VRK2: variants seen among roughly 807,000 people sequenced by gnomAD.
The protein encoded by VRK2 is serine/threonine-protein kinase VRK2.
Under a neutral mutation model 57.6 loss-of-function variants are expected in VRK2, and 60 were observed. The observed-to-expected ratio is 1.04, with a 90% CI of 0.85 to 1.29. VRK2 has a LOEUF of 1.29. Among genes scored for constraint, VRK2 ranks in the 50% most tolerant of loss-of-function variants. VRK2 has a pLI of 0.00. For missense variants in VRK2, 705 were observed against 588.1 expected, an observed-to-expected ratio of 1.20 and a Z score of -2.06; for synonymous variants, 231 against 199.2, an observed-to-expected ratio of 1.16 and a Z score of -1.35.
At chr2:58,062,864 G>T (rs189678278) in intron 2 of VRK2, among the ~76,000 whole-genome samples, 1 of 152,228 alleles carries the variant, frequency 6.6e-6, no homozygotes, top group Admixed American at 6.6e-5. Context: ...TGAGATCAAT[G>T]ATGAAGGTGG....
intron 1 of VRK2, chr2:58,047,290 G>T: frequency 2.3e-6 from 1 of 436,962 alleles, no homozygotes; most frequent in Non-Finnish European, 3.0e-6. Flanking sequence ...CCGCGGCGGG[G>T]TTGGAGGTCA....
chr2:58,073,569 T>C (rs936926262), intron 2 of VRK2, among the ~76,000 whole-genome samples: 1 of 150,878 alleles, frequency 6.6e-6, no homozygotes, highest in Admixed American at 6.6e-5. Context: ...CCCTCTTTAT[T>C]CCTGATTGTT....
intron 2 of VRK2, chr2:58,026,939 G>C (rs185439251): frequency 1.3e-5 from 2 of 150,998 alleles, no homozygotes; most frequent in Non-Finnish European, 2.9e-5. Flanking sequence ...TTGTTGCCTA[G>C]GCTAGTGTTA....
chr2:58,147,969 A>C (rs1229762232), intron 12 of VRK2, among the ~76,000 whole-genome samples: 1 of 151,870 alleles, frequency 6.6e-6, no homozygotes. Flanking sequence ...CATTTGGGCT[A>C]CTACTCATTT....
At chr2:58,040,941 C>A (rs1674430295) in intron 3 of VRK2, 1 of 744,268 alleles carries the variant, frequency 1.3e-6, no homozygotes, top group African/African-American at 1.9e-5. Context: ...AAAACTATTT[C>A]TTACTTCTCC....
chr2:58,081,489 G>T, intron 2 of VRK2, among the ~76,000 whole-genome samples: 2 of 149,086 alleles, frequency 1.3e-5, no homozygotes, highest in Non-Finnish European at 1.5e-5. Context: ...TTTTTTTCTT[G>T]CCATCTATTA....
chr2:57,976,521 T>A (rs1672256766), intron 1 of VRK2, among the ~76,000 whole-genome samples: 2 of 152,146 alleles, frequency 1.3e-5, no homozygotes, highest in South Asian at 4.1e-4. Flanking sequence ...TTTTGAGAAG[T>A]ATCTCTTCAT....
chr2:57,918,680 G>C (rs1038204245), intron 1 of VRK2, among the ~76,000 whole-genome samples: 1 of 152,018 alleles, frequency 6.6e-6, no homozygotes, highest in Non-Finnish European at 1.5e-5. Context: ...TGTGTTGTTG[G>C]AGTTTTTAGT....
At chr2:58,056,419 G>A (rs1363155898) in intron 2 of VRK2, among the ~76,000 whole-genome samples, 1 of 152,068 alleles carries the variant, frequency 6.6e-6, no homozygotes, top group Non-Finnish European at 1.5e-5. Flanking sequence ...TACAGTCCTC[G>A]GAAAACACAA....
intron 1 of VRK2, among the ~76,000 whole-genome samples, chr2:57,997,094 G>A (rs1328060662): frequency 6.6e-6 from 1 of 151,918 alleles, no homozygotes; most frequent in Non-Finnish European, 1.5e-5. Context: ...CAAATAAGAA[G>A]CAAATTCAGT....
At chr2:58,011,769 T>A (rs1167608269) in intron 1 of VRK2, among the ~76,000 whole-genome samples, 2 of 152,196 alleles carry the variant, frequency 1.3e-5, no homozygotes, top group African/African-American at 4.8e-5. Context: ...ATGGTTGAAA[T>A]CTAGAGATTC....
intron 1 of VRK2, among the ~76,000 whole-genome samples, chr2:57,985,745 T>C (rs1572938183): frequency 1.3e-5 from 2 of 152,194 alleles, no homozygotes; most frequent in East Asian, 1.9e-4. Context: ...AAGGCATCCA[T>C]ATTGGAAAAT....
intron 1 of VRK2, among the ~76,000 whole-genome samples, chr2:57,974,844 A>C (rs1672199787): frequency 6.6e-6 from 1 of 151,956 alleles, no homozygotes; most frequent in Admixed American, 6.6e-5. Context: ...GCCAACCCTT[A>C]CTTGATGAAT....
chr2:57,914,254 T>A (rs1670079654), intron 1 of VRK2, among the ~76,000 whole-genome samples: 1 of 151,746 alleles, frequency 6.6e-6, no homozygotes, highest in Non-Finnish European at 1.5e-5. Flanking sequence ...CCTTACTTTT[T>A]TTTTTTTTTT....
intron 1 of VRK2, among the ~76,000 whole-genome samples, chr2:57,974,941 C>T (rs1332711875): frequency 6.6e-6 from 1 of 151,644 alleles, no homozygotes; most frequent in East Asian, 1.9e-4. Flanking sequence ...TTGATCATCT[C>T]ATAGGTTTGA....
At chr2:58,079,930 A>G (rs1490633184) in intron 2 of VRK2, among the ~76,000 whole-genome samples, 2 of 151,934 alleles carry the variant, frequency 1.3e-5, no homozygotes, top group Non-Finnish European at 2.9e-5. Context: ...TAAGGGGAGC[A>G]CTTAGCTCAC....
chr2:58,066,368 G>T (rs1190953389), intron 2 of VRK2, among the ~76,000 whole-genome samples: 1 of 152,138 alleles, frequency 6.6e-6, no homozygotes, highest in Middle Eastern at 3.4e-3. Flanking sequence ...TATTAATATG[G>T]TAGATGACAT....
intron 1 of VRK2, among the ~76,000 whole-genome samples, chr2:57,926,998 TTGTGTG>T (rs57943937): frequency 2.1e-5 from 3 of 142,758 alleles, no homozygotes; most frequent in Non-Finnish European, 4.5e-5. Flanking sequence ...TTTTAATTTC[TTGTGTG>T]TGTGTGTGTG....
chr2:57,977,407 G>T (rs536149966), intron 1 of VRK2, among the ~76,000 whole-genome samples: 19 of 152,170 alleles, frequency 1.2e-4, no homozygotes, highest in Non-Finnish European at 1.0e-4. Context: ...GCAGTGTTTT[G>T]TAGTTATCAT....
Sources: gnomAD v4.1 joint callset for allele counts (sites outside exome capture counted in the v4.1 genomes callset) on GRCh38, gnomAD v4.1.1 for gene constraint, MANE v1.5 for transcripts, NCBI Gene and HGNC (gene_info 2026-07-23, HGNC 2026-07-21) for gene names.